The following VEPH1 variants were observed in gnomAD, a reference collection of about 807,000 sequenced individuals.
VEPH1 encodes ventricular zone expressed PH domain containing 1, also known as ventricular zone-expressed PH domain-containing protein homolog 1.
A neutral mutation model predicts 85.2 loss-of-function variants in VEPH1; 80 were observed. That is an observed-to-expected ratio of 0.94 (90% CI 0.78 to 1.13). The LOEUF is 1.13. VEPH1 is among the 50% of genes most tolerant of loss of function. The pLI is 0.00. For missense variants in VEPH1, 955 were observed against 980.5 expected, an observed-to-expected ratio of 0.97 and a Z score of 0.35; for synonymous variants, 297 against 348.0, an observed-to-expected ratio of 0.85 and a Z score of 1.63.
At chr3:157,491,505 T>C (rs1170257778) in intron 2 of VEPH1, among the ~76,000 whole-genome samples, 5 of 152,140 alleles carry the variant, frequency 3.3e-5, no homozygotes, top group Non-Finnish European at 7.4e-5. Flanking sequence ...ATTTTCAAAG[T>C]GAAACATAAG....
Position 157,265,647 on chromosome 3 carries a change from C to T in VEPH1, c.2144G>A (p.Gly715Asp). The change falls in exon 13 of 14, where the codon GGC (glycine) becomes GAC (aspartate). Residue 715 changes from glycine (G) to aspartate (D), a missense_variant. Gly to Asp is a moderately conservative substitution (Grantham distance 94, BLOSUM62 -1). Transcript: ENST00000362010. ...AAGTTTTCCTTCTATGAGAGGCTGGCCATCTTGATTTACAACTGTTGAAGG... is the reference window on the plus strand; with the variant it reads ...AAGTTTTCCTTCTATGAGAGGCTGGTCATCTTGATTTACAACTGTTGAAGG... Reference protein sequence around the residue: ...PEKATVVNQDGQPLIEGKLKE... With the variant: ...PEKATVVNQDDQPLIEGKLKE... The T allele has an allele frequency of 6.2e-6, 10 of 1,613,108 alleles. No individual in the cohort carries two copies. Among genetic ancestry groups the T allele is most frequent in the Non-Finnish European group, 8.5e-6 (10 of 1,179,534 alleles).
At chr3:157,377,011 C>T (rs1368743332) in intron 7 of VEPH1, among the ~76,000 whole-genome samples, 3 of 152,222 alleles carry the variant, frequency 2.0e-5, no homozygotes, top group East Asian at 3.9e-4. Context: ...TAAATGGTCA[C>T]AATGAAGGGT....
At chr3:157,396,405 G>A (rs1730387101) in intron 6 of VEPH1, among the ~76,000 whole-genome samples, 2 of 152,152 alleles carry the variant, frequency 1.3e-5, no homozygotes, top group African/African-American at 4.8e-5. Flanking sequence ...GAACATCCTA[G>A]TGCATGTATC....
intron 11 of VEPH1, among the ~76,000 whole-genome samples, chr3:157,306,375 A>AAATTTATAC (rs1719511229): frequency 6.6e-6 from 1 of 152,164 alleles, no homozygotes; most frequent in South Asian, 2.1e-4. Flanking sequence ...TGTGTTTTAA[A>AAATTTATAC]AATTTATACA....
intron 6 of VEPH1, among the ~76,000 whole-genome samples, chr3:157,408,121 G>A (rs1319382850): frequency 5.9e-5 from 9 of 152,110 alleles, no homozygotes; most frequent in Admixed American, 3.9e-4. Context: ...CTCCTTCTTG[G>A]AGCTGTACTT....
At chr3:157,348,645 C>T (rs1264009963) in intron 9 of VEPH1, among the ~76,000 whole-genome samples, 1 of 152,232 alleles carries the variant, frequency 6.6e-6, no homozygotes, top group Non-Finnish European at 1.5e-5. Context: ...TGATTCTAGG[C>T]AGATCCAATC....
At chr3:157,391,757 A>T (rs1014513961) in intron 6 of VEPH1, among the ~76,000 whole-genome samples, 1 of 152,266 alleles carries the variant, frequency 6.6e-6, no homozygotes, top group Non-Finnish European at 1.5e-5. Flanking sequence ...GAGATACCAT[A>T]CAAAATGAAC....
At chr3:157,423,639 C>A (rs1732521869) in intron 5 of VEPH1, among the ~76,000 whole-genome samples, 2 of 152,202 alleles carry the variant, frequency 1.3e-5, no homozygotes, top group Non-Finnish European at 2.9e-5. Flanking sequence ...AAGTAGAATT[C>A]ATTACCCCCA....
chr3:157,463,714 G>A (rs1401597954), intron 3 of VEPH1, among the ~76,000 whole-genome samples: 2 of 152,176 alleles, frequency 1.3e-5, no homozygotes. Flanking sequence ...CAAAAGGCTG[G>A]TACATAACCA....
At chr3:157,366,754 C>A (rs557806378) in intron 7 of VEPH1, among the ~76,000 whole-genome samples, 624 of 151,310 alleles carry the variant, frequency 4.1e-3, no homozygotes, top group South Asian at 0.016. Context: ...ACAACAACAA[C>A]AACAAAAACA....
intron 2 of VEPH1, among the ~76,000 whole-genome samples, chr3:157,480,057 T>TTTTC (rs1212957213): frequency 6.9e-6 from 1 of 144,002 alleles, no homozygotes; most frequent in Non-Finnish European, 1.5e-5. Flanking sequence ...TTTCTTTCCT[T>TTTTC]TTTCTTTCTT....
chr3:157,431,138 C>G (rs748641446), intron 4 of VEPH1, among the ~76,000 whole-genome samples: 11 of 152,138 alleles, frequency 7.2e-5, no homozygotes, highest in Non-Finnish European at 1.5e-4. Flanking sequence ...CTCATGAGAT[C>G]TGATGGTTTA....
At chr3:157,290,063 C>T (rs1263687723) in intron 11 of VEPH1, among the ~76,000 whole-genome samples, 3 of 151,634 alleles carry the variant, frequency 2.0e-5, no homozygotes, top group African/African-American at 7.3e-5. Context: ...CACACACACA[C>T]ACACACACAC....
intron 9 of VEPH1, among the ~76,000 whole-genome samples, chr3:157,332,669 C>A (rs1030939661): frequency 6.6e-6 from 1 of 152,090 alleles, no homozygotes; most frequent in Admixed American, 6.5e-5. Flanking sequence ...TTGTTTCTAC[C>A]TTTTGGTCAT....
intron 4 of VEPH1, among the ~76,000 whole-genome samples, chr3:157,453,801 T>C (rs1219551292): frequency 6.6e-6 from 1 of 152,206 alleles, no homozygotes; most frequent in African/African-American, 2.4e-5. Flanking sequence ...TGAGTGATAA[T>C]GGAGTTTTAC....
At chr3:157,309,893 C>T (rs1256540794) in intron 11 of VEPH1, among the ~76,000 whole-genome samples, 3 of 152,256 alleles carry the variant, frequency 2.0e-5, no homozygotes, top group African/African-American at 4.8e-5. Flanking sequence ...AATTCTTCTG[C>T]CTCAGCCTCC....
chr3:157,273,905 AT>A (rs1298693840), intron 12 of VEPH1, among the ~76,000 whole-genome samples: 23 of 152,324 alleles, frequency 1.5e-4, no homozygotes, highest in African/African-American at 5.3e-4. Flanking sequence ...ACTCTTTATT[AT>A]AATAGATCAC....
chr3:157,288,243 T>G (rs891379771), intron 11 of VEPH1, among the ~76,000 whole-genome samples: 2 of 152,240 alleles, frequency 1.3e-5, no homozygotes, highest in African/African-American at 4.8e-5. Context: ...ACTAACATGT[T>G]TGTGCTCTGT....
rs183439064 is a variant in VEPH1, at chr3:157,388,900, T to C, written c.907-7524A>G. On this transcript the variant is annotated intron_variant, in intron 6 of 13. Coordinates refer to ENST00000362010, the MANE Select transcript of VEPH1 (RefSeq NM_001167912.2). ...ATTTGAGTATCCTTGGATTTTGGTA[T>C]CCACGGGGGTTCTGGAACCAATTTT... Among the ~76,000 whole-genome samples the C allele has an allele frequency of 1.4e-3, 213 of 152,306 alleles. 1 individual carries two copies. Among genetic ancestry groups the C allele is most frequent in the Admixed American group, 3.1e-3 (48 of 15,294 alleles).
Sources: gnomAD v4.1 joint callset for allele counts (sites outside exome capture counted in the v4.1 genomes callset) on GRCh38, gnomAD v4.1.1 for gene constraint, MANE v1.5 for transcripts, NCBI Gene and HGNC (gene_info 2026-07-23, HGNC 2026-07-21) for gene names.